The following GRIA3 variants were observed in gnomAD, a reference collection of about 807,000 sequenced individuals.
GRIA3 encodes the protein glutamate receptor 3.
In GRIA3, 3 loss-of-function variants were observed where a neutral mutation model predicts 63.0. The observed-to-expected ratio is 0.05, with a 90% CI of 0.02 to 0.12. GRIA3 has a LOEUF of 0.12. Among genes scored for constraint, GRIA3 ranks in the 10% least tolerant of loss-of-function variants. The pLI, the probability that GRIA3 is intolerant of heterozygous loss-of-function variation, is 1.00. For missense variants in GRIA3, 347 were observed against 700.9 expected, an observed-to-expected ratio of 0.50 and a Z score of 5.70; for synonymous variants, 274 against 257.9, an observed-to-expected ratio of 1.06 and a Z score of -0.60.
At chrX:123,189,375 G>A (rs953351148) in intron 2 of GRIA3, among the ~76,000 whole-genome samples, 5 of 112,335 alleles carry the variant, frequency 4.5e-5, no homozygotes, top group Middle Eastern at 4.2e-3. Flanking sequence ...TTTCAGGGCA[G>A]GGGTGTGGAA....
intron 4 of GRIA3, among the ~76,000 whole-genome samples, chrX:123,342,132 G>A (rs1191373568): frequency 8.9e-6 from 1 of 112,212 alleles, no homozygotes; most frequent in Admixed American, 9.4e-5. Context: ...TGGAAAGACA[G>A]CAATGAAATT....
At chrX:123,406,733 A>T (rs2045476496) in intron 10 of GRIA3, among the ~76,000 whole-genome samples, 1 of 111,492 alleles carries the variant, frequency 9.0e-6, no homozygotes, top group African/African-American at 3.3e-5. Flanking sequence ...GCTAAGTGGC[A>T]GATGAGATTC....
intron 3 of GRIA3, among the ~76,000 whole-genome samples, chrX:123,265,604 A>G (rs113684246): frequency 0.048 from 5,379 of 112,008 alleles, 309 homozygotes; most frequent in African/African-American, 0.16. Context: ...CAGGTGTGGC[A>G]GAGGCAGAGA....
chrX:123,185,016 G>T, intron 1 of GRIA3: 1 of 347,894 alleles, frequency 2.9e-6, no homozygotes, highest in Non-Finnish European at 5.5e-6. Context: ...TGCAGCTCCT[G>T]GAAGTTGTCC....
rs772661218 is a variant in GRIA3 at position 123,253,436 on chromosome X, T to C, written c.402T>C (p.Asp134=). 2.6e-5 allele frequency: 31 copies of C among 1,209,481 alleles called. No individual in the cohort carries two copies. The highest frequency in any genetic ancestry group is 3.5e-5 in the Non-Finnish European group (31 of 894,754). ...FVTPSFPTDA[D]VQFVIQMRPA... ...CGCCTAGCTTCCCCACTGACGCAGA[T>C]GTGCAGTTTGTCATCCAGATGCGCC... Residue 134 remains aspartate, a synonymous_variant, in exon 3 of 16, where the codon GAT becomes GAC. Coordinates refer to ENST00000620443, the MANE Select transcript of GRIA3 (RefSeq NM_007325.5).
chrX:123,202,830 G>T, intron 2 of GRIA3: 1 of 1,088,796 alleles, frequency 9.2e-7, no homozygotes, highest in Non-Finnish European at 1.2e-6. Flanking sequence ...AAAGGGGAAA[G>T]AATCTTGTTC....
At chrX:123,431,112 T>C (rs923422313) in intron 12 of GRIA3, among the ~76,000 whole-genome samples, 24 of 110,525 alleles carry the variant, frequency 2.2e-4, no homozygotes, top group African/African-American at 7.6e-4. Flanking sequence ...CAAGATCACA[T>C]GCAACATTTA....
chrX:123,320,840 C>G (rs776248013), intron 3 of GRIA3, among the ~76,000 whole-genome samples: 16 of 111,579 alleles, frequency 1.4e-4, no homozygotes, highest in Non-Finnish European at 3.0e-4. Flanking sequence ...CACCTTAGCT[C>G]CAGCTCTGCT....
intron 12 of GRIA3, among the ~76,000 whole-genome samples, chrX:123,463,817 A>AAAAGAAAGAG (rs1341149472): frequency 9.1e-6 from 1 of 109,672 alleles, no homozygotes; most frequent in African/African-American, 3.4e-5. Context: ...GAGAGAAAGA[A>AAAAGAAAGAG]AAAGAAAGAG....
intron 3 of GRIA3, among the ~76,000 whole-genome samples, chrX:123,260,986 G>C (rs2044457076): frequency 8.9e-6 from 1 of 111,818 alleles, no homozygotes; most frequent in Non-Finnish European, 1.9e-5. Flanking sequence ...GAAAATACCA[G>C]AGCTGTCATA....
intron 5 of GRIA3, among the ~76,000 whole-genome samples, chrX:123,361,728 A>C (rs1300654337): frequency 2.7e-5 from 3 of 111,044 alleles, no homozygotes; most frequent in Non-Finnish European, 5.7e-5. Flanking sequence ...TGAAATTAAC[A>C]AGGAAAGATC....
intron 3 of GRIA3, among the ~76,000 whole-genome samples, chrX:123,315,165 T>C (rs1240025280): frequency 9.0e-6 from 1 of 111,558 alleles, no homozygotes; most frequent in Non-Finnish European, 1.9e-5. Context: ...GAGAAGAAGA[T>C]TTGCAGAGGG....
At chrX:123,463,606 GGGAGGGAAAGAAAGAAA>G in intron 12 of GRIA3, among the ~76,000 whole-genome samples, 1 of 20,049 alleles carries the variant, frequency 5.0e-5, no homozygotes, top group Non-Finnish European at 9.1e-5. Flanking sequence ...GAGGGAGGGA[GGGAGGGAAAGAAAGAAA>G]GAAAGAAAGA....
intron 6 of GRIA3, among the ~76,000 whole-genome samples, chrX:123,396,410 C>G (rs969190048): frequency 1.8e-5 from 2 of 109,782 alleles, no homozygotes; most frequent in Non-Finnish European, 3.8e-5. Flanking sequence ...ATACTTTTTT[C>G]GTTCAGTTAA....
intron 3 of GRIA3, among the ~76,000 whole-genome samples, chrX:123,320,938 G>A (rs895842721): frequency 1.8e-5 from 2 of 111,706 alleles, no homozygotes; most frequent in African/African-American, 3.3e-5. Flanking sequence ...TCTCAAACCC[G>A]AGAAGCTCCA....
rs866976245 is a variant in GRIA3 at position 123,439,752 on chromosome X, T to C, written c.2076+11613T>C. ...AAAAATAGTCTGTTAGTTATCTCTC[T>C]GTTAGGGGTATGCTTGTTACACTCA... On this transcript the variant is annotated intron_variant, in intron 12 of 15. Coordinates refer to ENST00000620443, the MANE Select transcript of GRIA3 (RefSeq NM_007325.5). 5.2e-4 allele frequency among the ~76,000 whole-genome samples: 58 copies of C among 110,767 alleles called. 1 individual carries two copies. Among genetic ancestry groups the C allele is most frequent in the Middle Eastern group, 4.7e-3 (1 of 215 alleles).
intron 2 of GRIA3, among the ~76,000 whole-genome samples, chrX:123,238,063 G>A (rs766013014): frequency 8.9e-6 from 1 of 112,007 alleles, no homozygotes; most frequent in African/African-American, 3.2e-5. Flanking sequence ...CCTACAGGTG[G>A]CCTTAAATAC....
chrX:123,280,773 G>C (rs1345734813), intron 3 of GRIA3, among the ~76,000 whole-genome samples: 1 of 112,210 alleles, frequency 8.9e-6, no homozygotes, highest in Non-Finnish European at 1.9e-5. Context: ...TCCAATGTGA[G>C]AGGTTTATTG....
intron 2 of GRIA3, among the ~76,000 whole-genome samples, chrX:123,186,412 G>A (rs748819724): frequency 1.8e-5 from 2 of 111,920 alleles, no homozygotes; most frequent in South Asian, 3.8e-4. Context: ...AATTCAGGAT[G>A]TACATCACTT....
Sources: gnomAD v4.1 joint callset for allele counts (sites outside exome capture counted in the v4.1 genomes callset) on GRCh38, gnomAD v4.1.1 for gene constraint, MANE v1.5 for transcripts, NCBI Gene and HGNC (gene_info 2026-07-23, HGNC 2026-07-21) for gene names.